Variants in XKRX observed in about 807,000 individuals in gnomAD.
The protein encoded by XKRX is XK-related protein 2.
A neutral mutation model predicts 22.4 loss-of-function variants in XKRX; 11 were observed. That is an observed-to-expected ratio of 0.49 (90% CI 0.31 to 0.81). XKRX has a LOEUF of 0.81. Ranked by LOEUF, XKRX falls within the 40% of genes least tolerant of loss-of-function variation. XKRX has a pLI of 0.05. For synonymous variants in XKRX, 114 were observed against 132.2 expected, an observed-to-expected ratio of 0.86 and a Z score of 0.94; for missense variants, 320 against 336.5, an observed-to-expected ratio of 0.95 and a Z score of 0.38.
At chrX:100,948,952 A>G in the XKRX span, among the ~76,000 whole-genome samples, 1 of 112,635 alleles carries the variant, frequency 8.9e-6, no homozygotes, top group Non-Finnish European at 1.9e-5. Flanking sequence ...TCATCCCTCC[A>G]TTCCGCATTC....
At chrX:100,953,452 C>A in the XKRX span, among the ~76,000 whole-genome samples, 1 of 110,217 alleles carries the variant, frequency 9.1e-6, no homozygotes, top group Non-Finnish European at 1.9e-5. Context: ...GATATGAGAC[C>A]AAAGGCACAA....
chrX:100,958,031 GATA>G, the XKRX span, among the ~76,000 whole-genome samples: 1 of 111,544 alleles, frequency 9.0e-6, no homozygotes, highest in Non-Finnish European at 1.9e-5. Flanking sequence ...TGAAGCAGAG[GATA>G]ATTATTTGAC....
At chrX:100,889,195 G>A in the XKRX span, among the ~76,000 whole-genome samples, 4 of 100,423 alleles carry the variant, frequency 4.0e-5, no homozygotes, top group Non-Finnish European at 8.0e-5. Flanking sequence ...AGCTGAGATC[G>A]CACCACTGCA....
At chrX:100,930,121 T>C (rs1051381077), upstream of XKRX, among the ~76,000 whole-genome samples, 1 of 108,305 alleles carries the variant, frequency 9.2e-6, no homozygotes, top group African/African-American at 3.4e-5. Context: ...AAACCCCATC[T>C]CTACTAAAAA....
chrX:100,917,520 G>T (rs1175095061), intron 2 of XKRX, among the ~76,000 whole-genome samples: 4 of 99,761 alleles, frequency 4.0e-5, no homozygotes, highest in African/African-American at 1.5e-4. Context: ...AGAAAGAAAG[G>T]GAGAAAGAGA....
downstream of XKRX, chrX:100,911,118 G>A (rs138654057): frequency 2.7e-3 from 1,544 of 572,013 alleles, 14 homozygotes; most frequent in African/African-American, 0.03. Context: ...AAAGTTATTC[G>A]AACAGGAAAG....
the XKRX span, among the ~76,000 whole-genome samples, chrX:100,934,843 G>A: frequency 8.9e-6 from 1 of 112,109 alleles, no homozygotes; most frequent in Admixed American, 9.5e-5. Flanking sequence ...AGCCGTGTAT[G>A]ATGGTTCCAC....
chrX:100,949,249 T>A, the XKRX span, among the ~76,000 whole-genome samples: 1 of 111,391 alleles, frequency 9.0e-6, no homozygotes. Context: ...CTTTTGCCAG[T>A]GTCAGCAGGG....
the XKRX span, among the ~76,000 whole-genome samples, chrX:100,897,283 C>T: frequency 9.0e-6 from 1 of 111,011 alleles, no homozygotes; most frequent in Non-Finnish European, 1.9e-5. Flanking sequence ...ATATTTTTCA[C>T]ATTTAAAAAT....
At chrX:100,923,837 C>CTTT (rs745938618) in intron 1 of XKRX, among the ~76,000 whole-genome samples, 2 of 88,140 alleles carry the variant, frequency 2.3e-5, no homozygotes, top group Non-Finnish European at 4.4e-5. Context: ...TTCTTTCTTT[C>CTTT]TTTTTTTTTT....
At position 100,928,278 on chromosome X, in the gene XKRX, C is replaced by T. The variant is rs374006877; in HGVS notation, c.27G>A (p.Glu9=). Reference sequence around the variant, plus strand: ...ATGAAACCGGATCCACATTTGGCTCCTCAGGAATTTCATAAACTCTGTCCA... The same window carrying T: ...ATGAAACCGGATCCACATTTGGCTCTTCAGGAATTTCATAAACTCTGTCCA... MDRVYEIP[E]EPNVDPVSSL... The change falls in exon 1 of 3, where the codon GAG becomes GAA. Residue 9 remains glutamate, a synonymous_variant. Coordinates refer to ENST00000372956, the MANE Select transcript of XKRX (RefSeq NM_212559.3). 2.2e-5 allele frequency: 27 copies of T among 1,209,083 alleles called. No homozygotes were observed. The African/African-American group carries it at 4.6e-4, about 20-fold the overall frequency.
At chrX:100,897,640 T>TGTGTGTG in the XKRX span, among the ~76,000 whole-genome samples, 1 of 88,111 alleles carries the variant, frequency 1.1e-5, no homozygotes, top group East Asian at 3.4e-4. Context: ...TGTGTGTGTG[T>TGTGTGTG]TTCCTAGTTC....
At chrX:100,915,628 T>C (rs2085430621) in intron 2 of XKRX, among the ~76,000 whole-genome samples, 1 of 110,600 alleles carries the variant, frequency 9.0e-6, no homozygotes, top group Non-Finnish European at 1.9e-5. Context: ...AGCCAAGATA[T>C]GGAAACAAAC....
chrX:100,919,341 A>T (rs1193891654), intron 2 of XKRX, among the ~76,000 whole-genome samples: 1 of 112,196 alleles, frequency 8.9e-6, no homozygotes, highest in Admixed American at 9.5e-5. Context: ...AAAGCAATAA[A>T]GAATTTGAAT....
At chrX:100,895,237 A>C in the XKRX span, among the ~76,000 whole-genome samples, 1 of 112,151 alleles carries the variant, frequency 8.9e-6, no homozygotes, top group African/African-American at 3.2e-5. Flanking sequence ...CATGAATCCA[A>C]AATGTCATAG....
chrX:100,957,608 C>G, the XKRX span: 2 of 590,381 alleles, frequency 3.4e-6, no homozygotes, highest in Admixed American at 6.4e-5. Context: ...ATTCCACTTC[C>G]GGATGCAGTG....
At chrX:100,888,841 G>C in the XKRX span, among the ~76,000 whole-genome samples, 4 of 110,441 alleles carry the variant, frequency 3.6e-5, no homozygotes, top group Non-Finnish European at 7.6e-5. Flanking sequence ...TAGTGTGCTA[G>C]AGGAACAGCA....
At chrX:100,957,368 T>G in the XKRX span, 1 of 1,203,084 alleles carries the variant, frequency 8.3e-7, no homozygotes, top group Non-Finnish European at 1.1e-6. Flanking sequence ...ACCTCTGGCC[T>G]GAAAAACGCT....
chrX:100,930,632 G>A (rs756596598), upstream of XKRX, among the ~76,000 whole-genome samples: 2 of 111,158 alleles, frequency 1.8e-5, no homozygotes, highest in Non-Finnish European at 3.8e-5. Flanking sequence ...ATTTCATGAA[G>A]GAGGTCAACA....
Sources: gnomAD v4.1 joint callset for allele counts (sites outside exome capture counted in the v4.1 genomes callset) on GRCh38, gnomAD v4.1.1 for gene constraint, MANE v1.5 for transcripts, NCBI Gene and HGNC (gene_info 2026-07-23, HGNC 2026-07-21) for gene names.